PPP1R7: variants seen among roughly 807,000 people sequenced by gnomAD.
PPP1R7 encodes the protein protein phosphatase 1 regulatory subunit 7.
PPP1R7 carries 18 observed loss-of-function variants against 45.2 expected under a neutral mutation model. That is an observed-to-expected ratio of 0.40 (90% confidence interval 0.28 to 0.59). The LOEUF (loss-of-function observed/expected upper bound fraction) is 0.59, where lower values mean the gene tolerates loss of function less well. Among genes scored for constraint, PPP1R7 ranks in the 20% least tolerant of loss-of-function variants. PPP1R7 has a pLI of 0.46. For missense variants in PPP1R7, 314 were observed against 455.8 expected, an observed-to-expected ratio of 0.69 and a Z score of 2.83; for synonymous variants, 181 against 183.4, an observed-to-expected ratio of 0.99 and a Z score of 0.11.
rs561624427 is a variant in PPP1R7, at chr2:241,177,612, A to G, written c.907-5035A>G. On this transcript the variant is annotated intron_variant, in intron 9 of 9. Coordinates refer to ENST00000234038, the MANE Select transcript of PPP1R7 (RefSeq NM_002712.3). ...CTTTAAAGTGAAAGAAAGCGATTCA[A>G]TAGAAAAATAGGTGGAGGATAGCAA... Among the ~76,000 whole-genome samples the G allele has an allele frequency of 3.6e-4, 55 of 152,344 alleles. 1 individual carries two copies. The South Asian group carries it at 0.01, about 29-fold the overall frequency.
Position 241,158,530 on chromosome 2 carries a change from A to C in PPP1R7, c.284A>C (p.Glu95Ala). Reference sequence around the variant, plus strand: ...CGCATAGGGAAGATTGAAGGATTTGAGGTACTGAAGAAAGTGAAGGTGAGA... The same window carrying C: ...CGCATAGGGAAGATTGAAGGATTTGCGGTACTGAAGAAAGTGAAGGTGAGA... ...HYRIGKIEGFEVLKKVKTLCL... is the reference protein window; with the variant it reads ...HYRIGKIEGFAVLKKVKTLCL... Residue 95 changes from glutamate to alanine, a missense_variant, in exon 4 of 10, where the codon GAG (glutamate) becomes GCG (alanine). By Grantham distance (107) the Glu-to-Ala change is moderately radical (BLOSUM62 -1). This residue lies in a region of PPP1R7 where 112 missense variants were observed against 144.5 expected (regional missense o/e 0.78). Coordinates refer to ENST00000234038, the MANE Select transcript of PPP1R7 (RefSeq NM_002712.3). The C allele has an allele frequency of 6.2e-7, 1 of 1,614,002 alleles. No individual in the cohort carries two copies. Among genetic ancestry groups the C allele is most frequent in the Non-Finnish European group, 8.5e-7 (1 of 1,179,834 alleles).
chr2:241,152,288 T>C (rs2125476915), intron 1 of PPP1R7, among the ~76,000 whole-genome samples: 1 of 152,394 alleles, frequency 6.6e-6, no homozygotes, highest in South Asian at 2.1e-4. Context: ...GCTGCATCTC[T>C]AGCAGCAAGA....
chr2:241,158,503 A>G lies in PPP1R7; in HGVS notation c.257A>G (p.Tyr86Cys), dbSNP rs116718216. 3,351 of 1,614,106 alleles carry G rather than the reference A, an allele frequency of 2.1e-3. 4 individuals are homozygous for G. The highest frequency in any genetic ancestry group is 2.7e-3 in the Non-Finnish European group (3,167 of 1,179,926). The change falls in exon 4 of 10, where the codon TAT (tyrosine) becomes TGT (cysteine). Residue 86 changes from tyrosine to cysteine, a missense_variant. Physicochemically the swap from Tyr to Cys is radical, Grantham distance 194. Coordinates refer to ENST00000234038, the MANE Select transcript of PPP1R7 (RefSeq NM_002712.3). ...TTTCAGGATGTTGATTTGAATCACT[A>G]TCGCATAGGGAAGATTGAAGGATTT... ...RDAEDVDLNHYRIGKIEGFEV... is the reference protein window; with the variant it reads ...RDAEDVDLNHCRIGKIEGFEV...
intron 7 of PPP1R7, among the ~76,000 whole-genome samples, chr2:241,164,862 A>G (rs2067671238): frequency 6.6e-6 from 1 of 152,172 alleles, no homozygotes; most frequent in Admixed American, 6.5e-5. Flanking sequence ...AGCCTGGCCA[A>G]CATGGTGAAA....
Position 241,182,917 on chromosome 2 carries a change from A to G in PPP1R7, c.*94A>G. 1 of 1,402,490 alleles carries G rather than the reference A, an allele frequency of 7.1e-7. No homozygotes were observed. The highest frequency in any genetic ancestry group is 2.4e-5 in the East Asian group (1 of 41,118). The allele number at this position is 1,402,490 out of a possible 1,614,324, so 86.9% of individuals were successfully genotyped here. ...CTGTTGCTCCTGAGGTCGTCACTAT[A>G]TCAACAGTCACAAACCCAATGGCAA... On this transcript the variant is annotated 3_prime_UTR_variant, in exon 10 of 10. Transcript: ENST00000234038.
At chr2:241,162,250 G>A (rs1398710973) in intron 6 of PPP1R7, among the ~76,000 whole-genome samples, 2 of 152,172 alleles carry the variant, frequency 1.3e-5, no homozygotes, top group Non-Finnish European at 2.9e-5. Flanking sequence ...GCCAAGTCCT[G>A]CAGTGGTGTG....
intron 2 of PPP1R7, among the ~76,000 whole-genome samples, chr2:241,154,193 A>G (rs1262050315): frequency 6.6e-6 from 1 of 151,398 alleles, no homozygotes; most frequent in East Asian, 1.9e-4. Flanking sequence ...AAAAAAAAAA[A>G]AAAAAAAAAA....
In PPP1R7 at chr2:241,183,638, G is replaced by A. The variant is rs959623888; in HGVS notation, c.*815G>A. 1.9e-5 allele frequency: 6 copies of A among 315,040 alleles called. No homozygotes were observed. The highest frequency in any genetic ancestry group is 9.0e-5 in the African/African-American group (4 of 44,248). The allele number at this position is 315,040 out of a possible 1,614,324, so 19.5% of individuals were successfully genotyped here. A position where few individuals can be genotyped will look rare whatever the true frequency, so the allele number is the denominator to read the frequency against. On this transcript the variant is annotated 3_prime_UTR_variant, in exon 10 of 10. Transcript: ENST00000234038. ...TATTTTGGCTTTTTTAATATAAAAT[G>A]TACATTGACAGACACCCGAAGTCTG... is the stretch of plus-strand genomic sequence containing the variant.
chr2:241,154,359 T>C lies in PPP1R7; in HGVS notation c.181+755T>C, dbSNP rs973532243. Among the ~76,000 whole-genome samples, 23 of 152,166 alleles carry C rather than the reference T, an allele frequency of 1.5e-4. No individual in the cohort carries two copies. In the East Asian group the frequency reaches 4.3e-3, roughly 28 times the overall value. Reference sequence around the variant, plus strand: ...GAGAAATTATTTCTGAGTCTTGCCTTACCATTTTTATAGGCCTGAGGATTG... The same window carrying C: ...GAGAAATTATTTCTGAGTCTTGCCTCACCATTTTTATAGGCCTGAGGATTG... On this transcript the variant is annotated intron_variant, in intron 2 of 9. Transcript: ENST00000234038.
chr2:241,174,250 C>A (rs536460352), intron 9 of PPP1R7, among the ~76,000 whole-genome samples: 1 of 152,262 alleles, frequency 6.6e-6, no homozygotes, highest in East Asian at 1.9e-4. Context: ...AAGTTCTCTC[C>A]ACTGTGGTTG....
intron 6 of PPP1R7, among the ~76,000 whole-genome samples, chr2:241,160,851 G>C (rs555038542): frequency 6.6e-6 from 1 of 152,112 alleles, no homozygotes; most frequent in Non-Finnish European, 1.5e-5. Context: ...ATGCTTCTTC[G>C]AGATGAAAGT....
chr2:241,165,147 A>G (rs138665814), intron 7 of PPP1R7, among the ~76,000 whole-genome samples: 2 of 152,306 alleles, frequency 1.3e-5, no homozygotes, highest in African/African-American at 2.4e-5. Flanking sequence ...CACCAAATGT[A>G]TCTTTTAACA....
chr2:241,155,973 T>C (rs982823249), intron 2 of PPP1R7, among the ~76,000 whole-genome samples: 1 of 152,220 alleles, frequency 6.6e-6, no homozygotes, highest in Non-Finnish European at 1.5e-5. Context: ...TAAACTTTTT[T>C]TTTTAACTAA....
upstream of PPP1R7, chr2:241,150,269 C>G: frequency 7.6e-7 from 1 of 1,319,782 alleles, no homozygotes; most frequent in Non-Finnish European, 9.7e-7. Context: ...CTTCTCGCCT[C>G]CAGACTGTTC....
chr2:241,178,485 C>G, intron 9 of PPP1R7, among the ~76,000 whole-genome samples: 1 of 138,276 alleles, frequency 7.2e-6, no homozygotes, highest in Admixed American at 7.5e-5. Context: ...GAGACAGAGT[C>G]TGGCTCTGTC....
chr2:241,149,698 G>T (rs911008489), upstream of PPP1R7: 2 of 1,550,996 alleles, frequency 1.3e-6, no homozygotes, highest in African/African-American at 1.4e-5. Context: ...CCCGACTCGC[G>T]ATCAAAATGG....
At chr2:241,180,206 TCTTA>T (rs1355354562) in intron 9 of PPP1R7, among the ~76,000 whole-genome samples, 2 of 152,144 alleles carry the variant, frequency 1.3e-5, no homozygotes, top group Non-Finnish European at 2.9e-5. Context: ...TACAAGAAAA[TCTTA>T]CTTCTTCCAA....
intron 6 of PPP1R7, among the ~76,000 whole-genome samples, chr2:241,161,900 T>C (rs1412518060): frequency 6.6e-6 from 1 of 152,216 alleles, no homozygotes; most frequent in Non-Finnish European, 1.5e-5. Flanking sequence ...CCGGCCTGGC[T>C]TAGTGGCTTT....
At chr2:241,155,506 A>G (rs1038610398) in intron 2 of PPP1R7, among the ~76,000 whole-genome samples, 1 of 152,216 alleles carries the variant, frequency 6.6e-6, no homozygotes, top group African/African-American at 2.4e-5. Flanking sequence ...AAACAAATTT[A>G]ATCATGTCAA....
Sources: gnomAD v4.1 joint callset for allele counts (sites outside exome capture counted in the v4.1 genomes callset) on GRCh38, gnomAD v4.1.1 for gene constraint, gnomAD v4.1.1 regional missense constraint, MANE v1.5 for transcripts, NCBI Gene and HGNC (gene_info 2026-07-23, HGNC 2026-07-21) for gene names.